Variants in SAMD12 observed in about 807,000 individuals in gnomAD.
SAMD12 encodes the protein sterile alpha motif domain containing 12.
In SAMD12, 9 loss-of-function variants were observed where a neutral mutation model predicts 15.0. That is an observed-to-expected ratio of 0.60 (90% CI 0.36 to 1.05). SAMD12 has a LOEUF of 1.05. Ranked by LOEUF, SAMD12 falls within the 50% of genes least tolerant of loss-of-function variation. SAMD12 has a pLI of 0.01. For missense variants in SAMD12, 230 were observed against 234.2 expected (o/e 0.98, Z 0.12); for synonymous variants, 86 against 90.1 (o/e 0.96, Z 0.25).
At chr8:118,576,432 C>T (rs1286973350) in intron 2 of SAMD12, among the ~76,000 whole-genome samples, 2 of 152,212 alleles carry the variant, frequency 1.3e-5, no homozygotes, top group Non-Finnish European at 1.5e-5. Context: ...CAAACTCTTA[C>T]TTGAAGAGAC....
intron 3 of SAMD12, among the ~76,000 whole-genome samples, chr8:118,428,577 G>A (rs542588208): frequency 1.3e-5 from 2 of 151,960 alleles, no homozygotes; most frequent in African/African-American, 4.8e-5. Flanking sequence ...TTAAATTTAG[G>A]TCCATTATTT....
At chr8:118,545,935 C>A (rs1826112225) in intron 2 of SAMD12, among the ~76,000 whole-genome samples, 1 of 152,118 alleles carries the variant, frequency 6.6e-6, no homozygotes, top group South Asian at 2.1e-4. Context: ...AAAGCCAGAG[C>A]CCAGGTACTG....
At chr8:118,524,729 C>A (rs991878566) in intron 2 of SAMD12, among the ~76,000 whole-genome samples, 1 of 152,154 alleles carries the variant, frequency 6.6e-6, no homozygotes, top group Admixed American at 6.5e-5. Context: ...TAATAACCGA[C>A]CTTCCAATTG....
intron 2 of SAMD12, among the ~76,000 whole-genome samples, chr8:118,506,915 T>C (rs1824935434): frequency 6.6e-6 from 1 of 151,902 alleles, no homozygotes; most frequent in South Asian, 2.1e-4. Context: ...CATGAAGCTG[T>C]CTGGCAGTAG....
chr8:118,503,612 A>T (rs1586769481), intron 2 of SAMD12, among the ~76,000 whole-genome samples: 1 of 152,170 alleles, frequency 6.6e-6, no homozygotes. Context: ...CTTTCTAAGG[A>T]AATTGAGAAA....
At chr8:118,259,947 G>GT (rs1813038765) in intron 4 of SAMD12, among the ~76,000 whole-genome samples, 1 of 152,094 alleles carries the variant, frequency 6.6e-6, no homozygotes, top group Non-Finnish European at 1.5e-5. Context: ...AGATAGAGGA[G>GT]TTCTTTTGTT....
At chr8:118,392,516 C>T (rs1820339290) in intron 3 of SAMD12, among the ~76,000 whole-genome samples, 1 of 152,176 alleles carries the variant, frequency 6.6e-6, no homozygotes, top group Admixed American at 6.5e-5. Flanking sequence ...AAGAGGTCAC[C>T]CAAGACCCTA....
exon 5 of SAMD12, chr8:118,189,891 A>ACTTGATT (rs1419331378): frequency 6.6e-6 from 1 of 150,564 alleles, no homozygotes; most frequent in Non-Finnish European, 1.5e-5. Flanking sequence ...TTACCACATA[A>ACTTGATT]CTTGATTGCC....
At chr8:118,524,038 C>T (rs1267857623) in intron 2 of SAMD12, among the ~76,000 whole-genome samples, 1 of 152,084 alleles carries the variant, frequency 6.6e-6, no homozygotes, top group Admixed American at 6.6e-5. Flanking sequence ...CTTTTTATAT[C>T]TCCCATGTTA....
At chr8:118,167,180 C>T in the SAMD12 span, among the ~76,000 whole-genome samples, 1 of 151,922 alleles carries the variant, frequency 6.6e-6, no homozygotes, top group African/African-American at 2.4e-5. Context: ...TTCTTACTCC[C>T]CCCAGCCCCC....
At chr8:118,563,886 G>T (rs565545200) in intron 2 of SAMD12, among the ~76,000 whole-genome samples, 3 of 152,240 alleles carry the variant, frequency 2.0e-5, no homozygotes, top group African/African-American at 7.2e-5. Flanking sequence ...TGCAAATCTT[G>T]GGGTTCCACA....
At chr8:118,189,883 A>G (rs1455136904) in exon 5 of SAMD12, 2 of 149,754 alleles carry the variant, frequency 1.3e-5, no homozygotes, top group East Asian at 2.0e-4. Context: ...CTCTTGTTTT[A>G]CCACATAACT....
Position 118,191,756 on chromosome 8 carries a change from T to TTCTCTCTC in SAMD12, c.*5953_*5954insGAGAGAGA, listed in dbSNP as rs1819380190. 25 of 15,356 alleles carry TTCTCTCTC rather than the reference T, an allele frequency of 1.6e-3. 1 individual carries two copies. Among genetic ancestry groups the TTCTCTCTC allele is most frequent in the African/African-American group, 5.1e-3 (24 of 4,668 alleles). 1.0% of individuals were successfully genotyped at this position (15,356 alleles called of 1,614,324 possible). A position where few individuals can be genotyped will look rare whatever the true frequency, so the allele number is the denominator to read the frequency against. ...TGTGGTTGAAAAAAAATACTGGAGA[T>TTCTCTCTC]TATATATATATATATATATATATAT... On this transcript the variant is annotated 3_prime_UTR_variant, in exon 5 of 5. Transcript: ENST00000409003.
At chr8:118,305,144 CAAA>C (rs56200866) in intron 4 of SAMD12, among the ~76,000 whole-genome samples, 9 of 48,884 alleles carry the variant, frequency 1.8e-4, no homozygotes, top group African/African-American at 5.7e-4. Flanking sequence ...GACTCCCTGT[CAAA>C]AAAAAAAAAA....
chr8:118,217,206 G>A (rs1200475240), intron 4 of SAMD12, among the ~76,000 whole-genome samples: 3 of 152,222 alleles, frequency 2.0e-5, no homozygotes, highest in Admixed American at 1.3e-4. Context: ...GTTTCACTAT[G>A]TTGGCCAGGA....
chr8:118,619,497 AT>A (rs1828337404), intron 1 of SAMD12, among the ~76,000 whole-genome samples: 1 of 149,826 alleles, frequency 6.7e-6, no homozygotes, highest in African/African-American at 2.5e-5. Context: ...AAAAAAAAAA[AT>A]CTCCCATCCT....
the SAMD12 span, among the ~76,000 whole-genome samples, chr8:118,179,663 T>C: frequency 6.6e-6 from 1 of 152,094 alleles, no homozygotes; most frequent in Non-Finnish European, 1.5e-5. Flanking sequence ...ATTACTAGAG[T>C]CAGGCCCAGG....
chr8:118,158,370 C>T, the SAMD12 span, among the ~76,000 whole-genome samples: 1 of 152,318 alleles, frequency 6.6e-6, no homozygotes, highest in Admixed American at 6.5e-5. Context: ...TGCAAAGACA[C>T]CAGCTGCAAT....
intron 2 of SAMD12, among the ~76,000 whole-genome samples, chr8:118,493,861 G>A (rs1332104467): frequency 2.0e-5 from 3 of 152,116 alleles, no homozygotes; most frequent in Admixed American, 1.3e-4. Context: ...GGCATCACCC[G>A]ATGGCAGGAA....
Sources: gnomAD v4.1 joint callset for allele counts (sites outside exome capture counted in the v4.1 genomes callset) on GRCh38, gnomAD v4.1.1 for gene constraint, MANE v1.5 for transcripts, NCBI Gene and HGNC (gene_info 2026-07-23, HGNC 2026-07-21) for gene names.